Variants in OSBPL9 observed in about 807,000 individuals in gnomAD.
OSBPL9 encodes the protein oxysterol-binding protein-related protein 9.
OSBPL9 carries 40 observed loss-of-function variants against 106.6 expected under a neutral mutation model. The observed-to-expected ratio is 0.38, with a 90% CI of 0.29 to 0.49. The LOEUF is 0.49. OSBPL9 is among the 20% of genes least tolerant of loss of function. OSBPL9 has a pLI of 0.97. For synonymous variants in OSBPL9, 269 were observed against 295.4 expected (o/e 0.91, Z 0.92); for missense variants, 609 against 887.2 (o/e 0.69, Z 3.98).
In OSBPL9 at chr1:51,771,928, G is replaced by A. The variant is rs555720532; in HGVS notation, c.939-142G>A. 4.5e-4 allele frequency: 274 copies of A among 604,924 alleles called. 2 individuals are homozygous for A. The highest frequency in any genetic ancestry group is 3.1e-3 in the Middle Eastern group (9 of 2,890). The allele number at this position is 604,924 out of a possible 1,614,324, so 37.5% of individuals were successfully genotyped here. A position where few individuals can be genotyped will look rare whatever the true frequency, so the allele number is the denominator to read the frequency against. On this transcript the variant is annotated intron_variant, in intron 12 of 23. Coordinates refer to ENST00000428468, the MANE Select transcript of OSBPL9 (RefSeq NM_024586.6). ...TTGTTGAGCACATCCTGTGCATAAA[G>A]GATAAGACAAGAGACCTTGTCATCA...
chr1:51,589,254 A>C (rs566131668), intron 1 of OSBPL9, among the ~76,000 whole-genome samples: 1 of 152,024 alleles, frequency 6.6e-6, no homozygotes, highest in Non-Finnish European at 1.5e-5. Flanking sequence ...ATGCACAGCT[A>C]ATTTTTGTAT....
intron 1 of OSBPL9, among the ~76,000 whole-genome samples, chr1:51,596,678 G>T (rs1050042406): frequency 5.3e-5 from 8 of 152,160 alleles, no homozygotes; most frequent in Non-Finnish European, 1.2e-4. Context: ...TATTCAGGAG[G>T]CTGAGGCAGG....
At position 51,697,223 on chromosome 1, in the gene OSBPL9, G is replaced by A. The variant is rs540370088; in HGVS notation, c.242-16780G>A. On this transcript the variant is annotated intron_variant, in intron 3 of 23. Coordinates refer to ENST00000428468, the MANE Select transcript of OSBPL9 (RefSeq NM_024586.6). ...GCGTGAAGATAATACCTCACCAAAC[G>A]ATATACTACCCACCCAAGTTATTGT... Among the ~76,000 whole-genome samples the A allele has an allele frequency of 2.5e-4, 38 of 151,550 alleles. No individual in the cohort carries two copies. In the South Asian group the frequency reaches 3.5e-3, roughly 14 times the overall value.
chr1:51,705,309 T>C (rs1297928059), intron 3 of OSBPL9, among the ~76,000 whole-genome samples: 1 of 149,186 alleles, frequency 6.7e-6, no homozygotes, highest in Non-Finnish European at 1.5e-5. Context: ...TTTATTCTTT[T>C]TGATACCTGC....
intron 8 of OSBPL9, among the ~76,000 whole-genome samples, chr1:51,750,999 A>G (rs1669113229): frequency 1.3e-5 from 2 of 152,240 alleles, no homozygotes; most frequent in Non-Finnish European, 2.9e-5. Flanking sequence ...ACACAATAGC[A>G]TAGGACAGTC....
intron 3 of OSBPL9, among the ~76,000 whole-genome samples, chr1:51,698,601 G>A (rs1417487289): frequency 6.6e-6 from 1 of 152,142 alleles, no homozygotes; most frequent in African/African-American, 2.4e-5. Context: ...TGGAAAGCAA[G>A]CTGGAAAATA....
intron 1 of OSBPL9, among the ~76,000 whole-genome samples, chr1:51,644,781 A>G (rs945848085): frequency 1.3e-5 from 2 of 152,146 alleles, no homozygotes; most frequent in East Asian, 1.9e-4. Flanking sequence ...CTTTGCCCGC[A>G]GATTCTTCAC....
chr1:51,769,674 G>T (rs549983562), intron 12 of OSBPL9, among the ~76,000 whole-genome samples: 163 of 152,242 alleles, frequency 1.1e-3, no homozygotes, highest in African/African-American at 3.6e-3. Flanking sequence ...GTATACATAG[G>T]TGTTGTTTTT....
chr1:51,726,967 G>C (rs949356725), intron 4 of OSBPL9, among the ~76,000 whole-genome samples: 5 of 152,110 alleles, frequency 3.3e-5, no homozygotes, highest in Non-Finnish European at 5.9e-5. Context: ...AATGAGAATT[G>C]CATGTCTGCA....
intron 3 of OSBPL9, among the ~76,000 whole-genome samples, chr1:51,677,019 TTTAGAG>T (rs1464965915): frequency 6.6e-6 from 1 of 152,210 alleles, no homozygotes; most frequent in Non-Finnish European, 1.5e-5. Flanking sequence ...TATGTCTAGT[TTTAGAG>T]TTAGAGTAAC....
chr1:51,639,499 T>G (rs1387034044), intron 1 of OSBPL9, among the ~76,000 whole-genome samples: 3 of 152,134 alleles, frequency 2.0e-5, no homozygotes, highest in Non-Finnish European at 4.4e-5. Context: ...AAGTACAGTG[T>G]AGCAAGGGTA....
intron 2 of OSBPL9, among the ~76,000 whole-genome samples, chr1:51,605,024 T>C (rs570227926): frequency 6.6e-6 from 1 of 152,330 alleles, no homozygotes; most frequent in Non-Finnish European, 1.5e-5. Context: ...TTTGCCCTAC[T>C]ACATGGCAGA....
the OSBPL9 span, among the ~76,000 whole-genome samples, chr1:51,562,458 C>T: frequency 6.6e-6 from 1 of 152,162 alleles, no homozygotes; most frequent in East Asian, 1.9e-4. Context: ...AATTAAGCCT[C>T]TTTTCTTTAT....
At chr1:51,647,896 C>G (rs1374909305) in intron 1 of OSBPL9, among the ~76,000 whole-genome samples, 1 of 152,126 alleles carries the variant, frequency 6.6e-6, no homozygotes, top group East Asian at 1.9e-4. Flanking sequence ...AGGTGGATTG[C>G]TTGAGCTCAG....
At chr1:51,731,269 C>A (rs1664330677) in intron 4 of OSBPL9, among the ~76,000 whole-genome samples, 1 of 151,714 alleles carries the variant, frequency 6.6e-6, no homozygotes, top group Admixed American at 6.6e-5. Context: ...GAACCTTCCC[C>A]CCGCCCCTGC....
chr1:51,541,029 G>C, the OSBPL9 span, among the ~76,000 whole-genome samples: 1 of 152,054 alleles, frequency 6.6e-6, no homozygotes, highest in Non-Finnish European at 1.5e-5. Context: ...TATTCAGGAG[G>C]CTGAGGCAGG....
chr1:51,692,731 T>C (rs1221163427), intron 3 of OSBPL9, among the ~76,000 whole-genome samples: 1 of 144,726 alleles, frequency 6.9e-6, no homozygotes, highest in Non-Finnish European at 1.5e-5. Context: ...GGCATGATCA[T>C]GGCTCACTGC....
chr1:51,713,646 T>G (rs1206117985), intron 3 of OSBPL9, among the ~76,000 whole-genome samples: 1 of 152,222 alleles, frequency 6.6e-6, no homozygotes, highest in African/African-American at 2.4e-5. Flanking sequence ...TTCTAAATTT[T>G]TTGTCTTCTC....
intron 20 of OSBPL9, chr1:51,785,500 G>A (rs368549306): frequency 6.5e-6 from 2 of 309,070 alleles, no homozygotes; most frequent in Admixed American, 5.0e-5. Context: ...TGGTGGTTAC[G>A]TCTCTCTCCA....
Sources: allele counts gnomAD v4.1 joint callset (sites outside exome capture counted in the v4.1 genomes callset), GRCh38; gene constraint gnomAD v4.1.1; transcripts MANE v1.5; gene names NCBI Gene and HGNC (gene_info 2026-07-23, HGNC 2026-07-21).